PTPRB: variants seen among roughly 807,000 people sequenced by gnomAD.
PTPRB encodes the protein receptor-type tyrosine-protein phosphatase beta.
Under a neutral mutation model 238.1 loss-of-function variants are expected in PTPRB, and 97 were observed. The ratio of observed to expected loss-of-function variants is 0.41; its 90% confidence interval spans 0.35 to 0.48. PTPRB has a LOEUF of 0.48. PTPRB is among the 20% of genes least tolerant of loss of function. The pLI, the probability that PTPRB is intolerant of heterozygous loss-of-function variation, is 0.30. For missense variants in PTPRB, 2,292 were observed against 2,681.9 expected (o/e 0.85, Z 3.21); for synonymous variants, 970 against 995.4 (o/e 0.97, Z 0.48).
At chr12:70,628,901 T>C (rs17108441) in intron 2 of PTPRB, among the ~76,000 whole-genome samples, 9,686 of 152,108 alleles carry the variant, frequency 0.064, 345 homozygotes, top group South Asian at 0.14. Flanking sequence ...GTTTAAAAAT[T>C]ATACTTGGAT....
chr12:70,635,134 A>C (rs907808563), intron 2 of PTPRB, among the ~76,000 whole-genome samples: 1 of 152,194 alleles, frequency 6.6e-6, no homozygotes, highest in Non-Finnish European at 1.5e-5. Context: ...TTAACATTTC[A>C]AAAGTGTGTT....
chr12:70,604,669 A>G (rs1038608677), intron 4 of PTPRB, among the ~76,000 whole-genome samples: 6 of 152,156 alleles, frequency 3.9e-5, no homozygotes, highest in Non-Finnish European at 7.3e-5. Flanking sequence ...GAAACCCTAA[A>G]CCCCAGTACC....
intron 16 of PTPRB, among the ~76,000 whole-genome samples, 175 bp from the exon 17 acceptor site, chr12:70,561,109 T>C (rs1878427526): frequency 6.6e-6 from 1 of 152,194 alleles, no homozygotes; most frequent in South Asian, 2.1e-4. Flanking sequence ...AGATATGGTA[T>C]AAATTAAAAC....
At chr12:70,602,144 GT>G (rs1883564260) in intron 4 of PTPRB, among the ~76,000 whole-genome samples, 1 of 152,088 alleles carries the variant, frequency 6.6e-6, no homozygotes, top group Non-Finnish European at 1.5e-5. Flanking sequence ...ACAATAGTCA[GT>G]TTTCTGGCTT....
At chr12:70,593,456 T>C (rs1446369561) in intron 6 of PTPRB, among the ~76,000 whole-genome samples, 1 of 132,758 alleles carries the variant, frequency 7.5e-6, no homozygotes, top group Non-Finnish European at 1.5e-5. Context: ...GAGGTTGCAG[T>C]GAGCTGAGAT....
intron 31 of PTPRB, among the ~76,000 whole-genome samples, chr12:70,532,375 CCCT>C (rs1446507175): frequency 2.8e-5 from 4 of 142,586 alleles, no homozygotes; most frequent in African/African-American, 1.0e-4. Context: ...CCCTTCCTGT[CCCT>C]CCTCCACTCT....
chr12:70,555,763 G>C (rs1010397281), intron 19 of PTPRB, 107 bp downstream of exon 19: 6 of 1,371,482 alleles, frequency 4.4e-6, no homozygotes, highest in Non-Finnish European at 5.9e-6. Context: ...TTATGCAAAA[G>C]TGAAGTGTAT....
chr12:70,624,536 C>G (rs1225219877), intron 2 of PTPRB, among the ~76,000 whole-genome samples: 1 of 152,128 alleles, frequency 6.6e-6, no homozygotes, highest in Non-Finnish European at 1.5e-5. Context: ...ACAACAAACT[C>G]CAGGAAACAA....
intron 3 of PTPRB, among the ~76,000 whole-genome samples, chr12:70,613,650 A>G (rs921619966): frequency 6.6e-6 from 1 of 152,122 alleles, no homozygotes; most frequent in Non-Finnish European, 1.5e-5. Context: ...TAATAATCTA[A>G]TCATTTATGT....
rs747029348 is a variant in PTPRB at position 70,534,981 on chromosome 12, A to G, written c.6082-26T>C. On this transcript the variant is annotated intron_variant, in intron 29 of 33. Transcript: ENST00000334414. ...CTAGAACAGGACAGACAGAAAAAAC[A>G]TGAGTCCGGAAAAGTGACTCCTTGG... The G allele has an allele frequency of 1.0e-5, 16 of 1,596,624 alleles. No individual in the cohort carries two copies. The South Asian group carries it at 1.5e-4, about 15-fold the overall frequency.
At chr12:70,523,009 C>T (rs886645180) in intron 33 of PTPRB, among the ~76,000 whole-genome samples, 1 of 151,488 alleles carries the variant, frequency 6.6e-6, no homozygotes, top group African/African-American at 2.4e-5. Context: ...ACTACAGGCA[C>T]ACGTCACCAT....
At chr12:70,579,932 G>A (rs970004374) in intron 10 of PTPRB, among the ~76,000 whole-genome samples, 1 of 152,092 alleles carries the variant, frequency 6.6e-6, no homozygotes, top group African/African-American at 2.4e-5. Context: ...AACAGAATTT[G>A]AGTGTTGAGG....
At chr12:70,559,999 G>T (rs1405409308) in intron 17 of PTPRB, among the ~76,000 whole-genome samples, 1 of 151,816 alleles carries the variant, frequency 6.6e-6, no homozygotes, top group African/African-American at 2.4e-5. Flanking sequence ...ACTACACCTG[G>T]CTAATTGTTG....
intron 16 of PTPRB, among the ~76,000 whole-genome samples, chr12:70,562,554 C>T (rs34034437): frequency 0.038 from 5,798 of 152,190 alleles, 255 homozygotes; most frequent in African/African-American, 0.11. Flanking sequence ...TGATGGGTTA[C>T]AGCCCTCTTG....
chr12:70,533,689 A>G (rs1208703170), intron 31 of PTPRB, among the ~76,000 whole-genome samples: 1 of 152,212 alleles, frequency 6.6e-6, no homozygotes, highest in Non-Finnish European at 1.5e-5. Context: ...TGATTAGGTC[A>G]TGAGGGCTCT....
Position 70,559,723 on chromosome 12 carries a change from T to A in PTPRB, c.4433-99A>T, listed in dbSNP as rs1180598664. On this transcript the variant is annotated intron_variant, in intron 17 of 33. Coordinates refer to ENST00000334414, the MANE Select transcript of PTPRB (RefSeq NM_001109754.4). ...AACATCAGACACACTTTTAATGTAC[T>A]TTGTAGGAAGAGATAATATGATAAT... 2.6e-6 allele frequency: 3 copies of A among 1,163,546 alleles called. No homozygotes were observed. In the African/African-American group the frequency reaches 4.7e-5, roughly 18 times the overall value. 72.1% of individuals were successfully genotyped at this position (1,163,546 alleles called of 1,614,324 possible).
At chr12:70,581,517 A>T (rs1015059369) in intron 9 of PTPRB, among the ~76,000 whole-genome samples, 2 of 152,236 alleles carry the variant, frequency 1.3e-5, no homozygotes, top group African/African-American at 4.8e-5. Context: ...ATAGGGAATC[A>T]AAATTATTTA....
At chr12:70,599,910 T>C (rs1198588542) in intron 4 of PTPRB, among the ~76,000 whole-genome samples, 1 of 149,302 alleles carries the variant, frequency 6.7e-6, no homozygotes, top group Non-Finnish European at 1.5e-5. Context: ...TTGGAGGCTA[T>C]AGTGCATCAT....
In PTPRB at chr12:70,636,081, G is replaced by A; in HGVS notation, c.56-15C>T. On this transcript the variant is annotated splice_polypyrimidine_tract_variant and intron_variant, in intron 1 of 33. Transcript: ENST00000334414. ...CTGAAACCCTTCTGGAAGATGAAAA[G>A]CTCATAAAGCACTATGTAGCAAATT... 1 of 1,587,464 alleles carries A rather than the reference G, an allele frequency of 6.3e-7. No individual in the cohort carries two copies. Among genetic ancestry groups the A allele is most frequent in the Non-Finnish European group, 8.6e-7 (1 of 1,166,196 alleles).
Sources: gnomAD v4.1 joint callset for allele counts (sites outside exome capture counted in the v4.1 genomes callset) on GRCh38, gnomAD v4.1.1 for gene constraint, MANE v1.5 for transcripts, NCBI Gene and HGNC (gene_info 2026-07-23, HGNC 2026-07-21) for gene names.